SNTG1: variants seen among roughly 807,000 people sequenced by gnomAD.
The protein encoded by SNTG1 is syntrophin gamma 1.
A neutral mutation model predicts 74.7 loss-of-function variants in SNTG1; 39 were observed. The observed-to-expected ratio is 0.52, with a 90% CI of 0.40 to 0.68. SNTG1 has a LOEUF of 0.68. Ranked by LOEUF, SNTG1 falls within the 30% of genes least tolerant of loss-of-function variation. The probability of loss-of-function intolerance (pLI) is 0.00; values close to 1 mark genes in which losing one functional copy is unlikely to be tolerated. For synonymous variants in SNTG1, 254 were observed against 217.1 expected, an observed-to-expected ratio of 1.17 and a Z score of -1.49; for missense variants, 685 against 609.5, an observed-to-expected ratio of 1.12 and a Z score of -1.30.
At chr8:50,404,176 A>G (rs188398856) in intron 4 of SNTG1, among the ~76,000 whole-genome samples, 16 of 152,256 alleles carry the variant, frequency 1.1e-4, no homozygotes, top group Admixed American at 8.5e-4. Flanking sequence ...TGCAATCCAC[A>G]ATAAGTCAGA....
intron 12 of SNTG1, among the ~76,000 whole-genome samples, chr8:50,589,158 T>C (rs958984088): frequency 2.0e-5 from 3 of 152,198 alleles, no homozygotes; most frequent in Non-Finnish European, 4.4e-5. Flanking sequence ...TTAATAGTAG[T>C]AATGTTATGT....
At chr8:50,660,261 GGAGAGAGAGAGA>G (rs201824217) in intron 15 of SNTG1, among the ~76,000 whole-genome samples, 6 of 143,152 alleles carry the variant, frequency 4.2e-5, no homozygotes, top group African/African-American at 1.3e-4. Context: ...AAGGAGGGAA[GGAGAGAGAGAGA>G]GAAAGAAGGA....
chr8:49,926,446 T>C (rs1346607279), intron 1 of SNTG1, among the ~76,000 whole-genome samples: 1 of 152,118 alleles, frequency 6.6e-6, no homozygotes, highest in African/African-American at 2.4e-5. Context: ...AACACCATGA[T>C]GTTATATCAA....
chr8:50,236,685 T>C (rs1036579931), intron 2 of SNTG1, among the ~76,000 whole-genome samples: 11 of 152,018 alleles, frequency 7.2e-5, no homozygotes, highest in Admixed American at 1.3e-4. Flanking sequence ...CTCCTGACCT[T>C]GTGATCCGCC....
chr8:50,509,443 T>G (rs1003847640), intron 9 of SNTG1, among the ~76,000 whole-genome samples: 1 of 152,216 alleles, frequency 6.6e-6, no homozygotes, highest in Admixed American at 6.5e-5. Context: ...TTTTTTCCAA[T>G]TCTGTGAAGA....
intron 2 of SNTG1, among the ~76,000 whole-genome samples, chr8:50,258,296 T>G (rs2086981627): frequency 1.3e-5 from 2 of 152,208 alleles, no homozygotes; most frequent in African/African-American, 4.8e-5. Context: ...AAATATTATA[T>G]TACTAATTTT....
At position 50,087,661 on chromosome 8, in the gene SNTG1, T is replaced by G. The variant is rs111520157; in HGVS notation, c.-102-84900T>G. Among the ~76,000 whole-genome samples the G allele has an allele frequency of 7.2e-5, 11 of 152,272 alleles. 1 individual carries two copies. Among genetic ancestry groups the G allele is most frequent in the African/African-American group, 2.4e-4 (10 of 41,562 alleles). On this transcript the variant is annotated intron_variant, in intron 1 of 18. Coordinates refer to ENST00000642720, the MANE Select transcript of SNTG1 (RefSeq NM_018967.5). ...CATAAACTTAATAACTTTCCTTATT[T>G]CAAAGTATATGAGGATAATAGTGTT... is the stretch of plus-strand genomic sequence containing the variant.
rs181767025 is a variant in SNTG1 at position 50,044,399 on chromosome 8, T to C, written c.-102-128162T>C. Among the ~76,000 whole-genome samples the C allele has an allele frequency of 2.4e-3, 361 of 152,340 alleles. 3 individuals carry two copies. Among genetic ancestry groups the C allele is most frequent in the Non-Finnish European group, 4.1e-3 (281 of 68,026 alleles). On this transcript the variant is annotated intron_variant, in intron 1 of 18. Coordinates refer to ENST00000642720, the MANE Select transcript of SNTG1 (RefSeq NM_018967.5). ...GAGTGTCTTTTAAATTTCTTTCTTTTGGGCCAAAATTAAACCGGATTTCAA... is the reference window on the plus strand; with the variant it reads ...GAGTGTCTTTTAAATTTCTTTCTTTCGGGCCAAAATTAAACCGGATTTCAA...
intron 1 of SNTG1, among the ~76,000 whole-genome samples, chr8:50,022,360 G>T (rs1026119162): frequency 2.0e-5 from 3 of 152,176 alleles, no homozygotes; most frequent in African/African-American, 7.2e-5. Context: ...GAAGGATCCA[G>T]CAAGGCTTGA....
chr8:50,340,176 A>G (rs1471343931), intron 2 of SNTG1, among the ~76,000 whole-genome samples: 2 of 152,022 alleles, frequency 1.3e-5, no homozygotes, highest in Admixed American at 6.6e-5. Flanking sequence ...ACACAATCTC[A>G]GTCAAAATTC....
rs572974852 is a variant in SNTG1 at position 50,065,638 on chromosome 8, C to A, written c.-102-106923C>A. Among the ~76,000 whole-genome samples, 66 of 152,236 alleles carry A rather than the reference C, an allele frequency of 4.3e-4. 1 individual carries two copies. Among genetic ancestry groups the A allele is most frequent in the African/African-American group, 1.6e-3 (65 of 41,538 alleles). On this transcript the variant is annotated intron_variant, in intron 1 of 18. Transcript: ENST00000642720. Reference sequence around the variant, plus strand: ...GAAATATTATAGACGTTTTCAGGATCATTTCAGAACATTTAACCACTGATC... The same window carrying A: ...GAAATATTATAGACGTTTTCAGGATAATTTCAGAACATTTAACCACTGATC...
At chr8:50,493,677 C>T (rs763654979) in intron 8 of SNTG1, among the ~76,000 whole-genome samples, 49 of 151,276 alleles carry the variant, frequency 3.2e-4, no homozygotes, top group Non-Finnish European at 5.0e-4. Context: ...CTAAGGTCAA[C>T]GCTGTATATA....
chr8:50,376,032 A>G (rs2092371439), intron 2 of SNTG1, among the ~76,000 whole-genome samples: 1 of 84,828 alleles, frequency 1.2e-5, no homozygotes, highest in African/African-American at 5.6e-5. Flanking sequence ...AAGTCTAAAG[A>G]TATTTCCAGT....
At chr8:50,424,348 C>T (rs1315333102) in intron 4 of SNTG1, among the ~76,000 whole-genome samples, 1 of 152,118 alleles carries the variant, frequency 6.6e-6, no homozygotes, top group East Asian at 1.9e-4. Context: ...AAGAGAAAGC[C>T]TCAACAACAG....
intron 8 of SNTG1, among the ~76,000 whole-genome samples, chr8:50,453,354 C>T (rs907107856): frequency 1.1e-4 from 16 of 152,100 alleles, no homozygotes; most frequent in African/African-American, 3.1e-4. Context: ...GGGACCAGTA[C>T]GGGAGTGTAA....
At chr8:50,438,108 C>G (rs569447392) in intron 4 of SNTG1, among the ~76,000 whole-genome samples, 51 of 152,234 alleles carry the variant, frequency 3.4e-4, no homozygotes, top group Non-Finnish European at 6.3e-4. Context: ...CAGCTTAGCT[C>G]CCGAATTCCA....
At chr8:50,301,674 T>G (rs961876280) in intron 2 of SNTG1, among the ~76,000 whole-genome samples, 8 of 152,108 alleles carry the variant, frequency 5.3e-5, no homozygotes, top group Admixed American at 3.3e-4. Flanking sequence ...AATATATTGT[T>G]GCAATTTTAG....
At chr8:50,690,049 G>T (rs1304004298) in intron 15 of SNTG1, among the ~76,000 whole-genome samples, 2 of 152,198 alleles carry the variant, frequency 1.3e-5, no homozygotes. Context: ...GATGTTTGTA[G>T]TATTCTCTGA....
chr8:50,083,296 T>A (rs1386267186), intron 1 of SNTG1, among the ~76,000 whole-genome samples: 2 of 152,310 alleles, frequency 1.3e-5, no homozygotes, highest in East Asian at 3.9e-4. Context: ...GGAAGATTTG[T>A]CAAGCTCCTC....
Sources: allele counts gnomAD v4.1 joint callset (sites outside exome capture counted in the v4.1 genomes callset), GRCh38; gene constraint gnomAD v4.1.1; transcripts MANE v1.5; gene names NCBI Gene and HGNC (gene_info 2026-07-23, HGNC 2026-07-21).